The following GPD1L variants were observed in gnomAD, a reference collection of about 807,000 sequenced individuals.
GPD1L encodes glycerol-3-phosphate dehydrogenase 1-like protein.
In GPD1L, 17 loss-of-function variants were observed where a neutral mutation model predicts 32.9. The ratio of observed to expected loss-of-function variants is 0.52; its 90% CI spans 0.35 to 0.78. The LOEUF (loss-of-function observed/expected upper bound fraction) is 0.78. GPD1L is among the 30% of genes least tolerant of loss of function. The pLI, the probability that GPD1L is intolerant of heterozygous loss-of-function variation, is 0.01. For missense variants in GPD1L, 361 were observed against 447.8 expected (o/e 0.81, Z 1.75); for synonymous variants, 187 against 165.9 (o/e 1.13, Z -0.98).
At chr3:32,126,511 C>T (rs1356373807) in intron 1 of GPD1L, among the ~76,000 whole-genome samples, 1 of 152,194 alleles carries the variant, frequency 6.6e-6, no homozygotes, top group Non-Finnish European at 1.5e-5. Flanking sequence ...TGAACCACAG[C>T]CTTTATCTTC....
intron 5 of GPD1L, among the ~76,000 whole-genome samples, chr3:32,148,434 G>A (rs1324864022): frequency 6.6e-6 from 1 of 152,070 alleles, no homozygotes; most frequent in Non-Finnish European, 1.5e-5. Flanking sequence ...AGGGAGGTGG[G>A]GGTTGAAGGC....
rs1701173077 is a variant in GPD1L at position 32,168,029 on chromosome 3, A to G, written c.*2119A>G. ...CTAATTGTGGTGTCTAGTAAGTAGC[A>G]TAATGAGATGTGAGGAGTTGGAACT... is the stretch of plus-strand genomic sequence containing the variant. On this transcript the variant is annotated 3_prime_UTR_variant, in exon 8 of 8. Coordinates refer to ENST00000282541, the MANE Select transcript of GPD1L (RefSeq NM_015141.4). 6.6e-6 allele frequency: 1 copy of G among 152,224 alleles called. No individual in the cohort carries two copies. Among genetic ancestry groups the G allele is most frequent in the Non-Finnish European group, 1.5e-5 (1 of 68,046 alleles). 9.4% of individuals were successfully genotyped at this position (152,224 alleles called of 1,614,324 possible). A position where few individuals can be genotyped will look rare whatever the true frequency, so the allele number is the denominator to read the frequency against.
chr3:32,106,783 G>A lies in GPD1L; in HGVS notation c.47+25G>A. On this transcript the variant is annotated intron_variant, in intron 1 of 7. Transcript: ENST00000282541. The surrounding 1 kb of genome is among the most constrained non-coding windows in gnomAD (Gnocchi z 4.0). ...GGTGAGCGGCGGCGGGCTGGAGGCCGGGGCTCCGCTTCCAGGAAGCGCCTC... is the reference window on the plus strand; with the variant it reads ...GGTGAGCGGCGGCGGGCTGGAGGCCAGGGCTCCGCTTCCAGGAAGCGCCTC... 1 of 1,550,422 alleles carries A rather than the reference G, an allele frequency of 6.4e-7. No individual in the cohort carries two copies. Among genetic ancestry groups the A allele is most frequent in the Non-Finnish European group, 8.7e-7 (1 of 1,148,796 alleles).
At chr3:32,114,840 C>T (rs1188740377) in intron 1 of GPD1L, among the ~76,000 whole-genome samples, 2 of 152,116 alleles carry the variant, frequency 1.3e-5, no homozygotes, top group African/African-American at 4.8e-5. Flanking sequence ...CAGACCTTCC[C>T]AGTGAGTGTT....
At chr3:32,162,964 G>C (rs965747214) in intron 7 of GPD1L, among the ~76,000 whole-genome samples, 2 of 151,800 alleles carry the variant, frequency 1.3e-5, no homozygotes, top group Non-Finnish European at 2.9e-5. Flanking sequence ...TTACCACGTT[G>C]CCCAGGCTGG....
rs766090919 is a variant in GPD1L at position 32,158,996 on chromosome 3, G to C, written c.739G>C (p.Gly247Arg). 6.2e-7 allele frequency: 1 copy of C among 1,614,094 alleles called. No individual in the cohort carries two copies. Among genetic ancestry groups the C allele is most frequent in the Non-Finnish European group, 8.5e-7 (1 of 1,180,036 alleles). Residue 247 changes from glycine to arginine, a missense_variant, in exon 6 of 8, where the codon GGC (glycine) becomes CGC (arginine). Gly to Arg is a moderately radical substitution (Grantham distance 125). Coordinates refer to ENST00000282541, the MANE Select transcript of GPD1L (RefSeq NM_015141.4). ...TGCTTTTGCCAGGATCTTCTGCAAA[G>C]GCCAAGTGTCTACAGCCACCTTCCT... ...MIAFARIFCK[G>R]QVSTATFLES...
intron 7 of GPD1L, among the ~76,000 whole-genome samples, chr3:32,164,427 C>A (rs546562104): frequency 1.3e-5 from 2 of 152,368 alleles, no homozygotes; most frequent in Non-Finnish European, 2.9e-5. Context: ...GACTTGGTCC[C>A]AGTCCTCAGG....
chr3:32,144,672 TG>T (rs2125489056), intron 4 of GPD1L, among the ~76,000 whole-genome samples: 1 of 152,084 alleles, frequency 6.6e-6, no homozygotes, highest in South Asian at 2.1e-4. Flanking sequence ...TGTTTATTAC[TG>T]GGGTTTGTTG....
chr3:32,137,911 T>A lies in GPD1L; in HGVS notation c.226-676T>A, dbSNP rs151135414. ...ATGGGGTCGAGGGAATCAACAGGGGTTGGTGAAGTGCTCGGAGATTAGCAA... is the reference window on the plus strand; with the variant it reads ...ATGGGGTCGAGGGAATCAACAGGGGATGGTGAAGTGCTCGGAGATTAGCAA... On this transcript the variant is annotated intron_variant, in intron 2 of 7. Transcript: ENST00000282541. 3.8e-3 allele frequency among the ~76,000 whole-genome samples: 573 copies of A among 151,926 alleles called. 3 individuals carry two copies. Among genetic ancestry groups the A allele is most frequent in the African/African-American group, 0.013 (542 of 41,436 alleles).
At chr3:32,120,233 G>A (rs754677109) in intron 1 of GPD1L, among the ~76,000 whole-genome samples, 10 of 152,058 alleles carry the variant, frequency 6.6e-5, no homozygotes, top group Non-Finnish European at 1.3e-4. Flanking sequence ...CAGGAGAATC[G>A]CTTGAACCCA....
chr3:32,158,986 C>A lies in GPD1L; in HGVS notation c.729C>A (p.Ile243=), dbSNP rs762306432. The change falls in exon 6 of 8, where the codon ATC becomes ATA. Residue 243 remains isoleucine (I), a synonymous_variant. Transcript: ENST00000282541. ...TGGAAATGATTGCTTTTGCCAGGAT[C>A]TTCTGCAAAGGCCAAGTGTCTACAG... is the stretch of plus-strand genomic sequence containing the variant. ...GLMEMIAFAR[I]FCKGQVSTAT... 9 of 1,614,110 alleles carry A rather than the reference C, an allele frequency of 5.6e-6. No homozygotes were observed. In the East Asian group the frequency reaches 2.0e-4, roughly 36 times the overall value.
In GPD1L at chr3:32,121,625, TATATATA is replaced by T. The variant is rs371676705; in HGVS notation, c.48-6450_48-6444del. Among the ~76,000 whole-genome samples, 1,447 of 63,614 alleles carry T rather than the reference TATATATA, an allele frequency of 0.023. 195 individuals are homozygous for T. The East Asian group carries it at 0.35, about 15-fold the overall frequency. 41.7% of individuals were successfully genotyped at this position (63,614 alleles called of 152,430 possible). On this transcript the variant is annotated intron_variant, in intron 1 of 7. Transcript: ENST00000282541. ...TTTCTATATATATTTCTATATATATTATATATATTTCTATATATATAATATATATATT... is the reference window on the plus strand; with the variant it reads ...TTTCTATATATATTTCTATATATATTTTTCTATATATATAATATATATATT...
Position 32,113,086 on chromosome 3 carries a change from C to T in GPD1L, c.47+6328C>T, listed in dbSNP as rs151022917. ...CCAACAAAATCCAATTTTATATTCT[C>T]CTTCTGAGAAATAAAATGGAAGCAA... On this transcript the variant is annotated intron_variant, in intron 1 of 7. Coordinates refer to ENST00000282541, the MANE Select transcript of GPD1L (RefSeq NM_015141.4). 2.9e-3 allele frequency among the ~76,000 whole-genome samples: 445 copies of T among 152,232 alleles called. 3 individuals carry two copies. The highest frequency in any genetic ancestry group is 0.01 in the African/African-American group (435 of 41,544).
At chr3:32,115,821 C>T (rs1700326032) in intron 1 of GPD1L, among the ~76,000 whole-genome samples, 1 of 93,936 alleles carries the variant, frequency 1.1e-5, no homozygotes, top group African/African-American at 4.0e-5. Flanking sequence ...CGGAGTCTCG[C>T]TCTGTTGCAC....
Position 32,166,593 on chromosome 3 carries a change from C to T in GPD1L, c.*683C>T, listed in dbSNP as rs924659477. On this transcript the variant is annotated 3_prime_UTR_variant, in exon 8 of 8. Coordinates refer to ENST00000282541, the MANE Select transcript of GPD1L (RefSeq NM_015141.4). ...AGACAGAAAATTCATCTGGGATTTT[C>T]CTGCTGTGGCTGGCACATTCTTCTG... 6.5e-6 allele frequency: 1 copy of T among 153,460 alleles called. No homozygotes were observed. The highest frequency in any genetic ancestry group is 1.5e-5 in the Non-Finnish European group (1 of 68,942). 9.5% of individuals were successfully genotyped at this position (153,460 alleles called of 1,614,324 possible). A position where few individuals can be genotyped will look rare whatever the true frequency, so the allele number is the denominator to read the frequency against.
chr3:32,112,082 T>TA (rs1395850456), intron 1 of GPD1L, among the ~76,000 whole-genome samples: 1 of 152,160 alleles, frequency 6.6e-6, no homozygotes, highest in East Asian at 1.9e-4. Flanking sequence ...GGAAGAGACT[T>TA]AGAGTTCCCT....
intron 1 of GPD1L, among the ~76,000 whole-genome samples, chr3:32,117,560 G>C (rs1260976278): frequency 6.6e-6 from 1 of 152,158 alleles, no homozygotes; most frequent in African/African-American, 2.4e-5. Flanking sequence ...TGCGGGCAGG[G>C]GTGTATAGTC....
chr3:32,145,578 T>C (rs1026516866), intron 4 of GPD1L, among the ~76,000 whole-genome samples: 1 of 151,894 alleles, frequency 6.6e-6, no homozygotes, highest in Non-Finnish European at 1.5e-5. Context: ...TAAAGTGACT[T>C]GAGGGAGGGG....
intron 3 of GPD1L, among the ~76,000 whole-genome samples, chr3:32,139,921 G>A (rs1700715549): frequency 6.6e-6 from 1 of 152,172 alleles, no homozygotes; most frequent in African/African-American, 2.4e-5. Flanking sequence ...AAGCAAGGGA[G>A]CAATGCATAC....
Sources: gnomAD v4.1 joint callset for allele counts (sites outside exome capture counted in the v4.1 genomes callset) on GRCh38, gnomAD v4.1.1 for gene constraint, Gnocchi (gnomAD v3.1) non-coding constraint, MANE v1.5 for transcripts, NCBI Gene and HGNC (gene_info 2026-07-23, HGNC 2026-07-21) for gene names.